RASSF5: variants seen among roughly 807,000 people sequenced by gnomAD.
RASSF5 encodes Ras association domain family member 5.
In RASSF5, 25 loss-of-function variants were observed where a neutral mutation model predicts 40.5. The ratio of observed to expected loss-of-function variants is 0.62; its 90% CI spans 0.45 to 0.86. RASSF5 has a LOEUF of 0.86. Among genes scored for constraint, RASSF5 ranks in the 40% least tolerant of loss-of-function variants. The pLI, the probability that RASSF5 is intolerant of heterozygous loss-of-function variation, is 0.00. For missense variants in RASSF5, 521 were observed against 572.8 expected (o/e 0.91, Z 0.92); for synonymous variants, 246 against 252.4 (o/e 0.97, Z 0.24).
At chr1:206,543,235 A>AAAAAAAAAAAAAT (rs1553399645) in intron 2 of RASSF5, 5 of 151,824 alleles carry the variant, frequency 3.3e-5, no homozygotes, top group Non-Finnish European at 5.9e-5. Context: ...AAAAAAAAAA[A>AAAAAAAAAAAAAT]AATCCACGCA....
chr1:206,526,303 G>A (rs80321231), intron 1 of RASSF5, among the ~76,000 whole-genome samples: 2,316 of 40,488 alleles, frequency 0.057, 31 homozygotes, highest in African/African-American at 0.19. Flanking sequence ...TTGGAGTTGG[G>A]GCTGGGGTTG....
rs1667381239 is a variant in RASSF5 at position 206,535,904 on chromosome 1, G to C, written c.458-2268G>C. Reference sequence around the variant, plus strand: ...AGTTATGGCAGCTGTCATCACCGTGGAGCTGGGCGAGCTTTCAGTCCTTCC... The same window carrying C: ...AGTTATGGCAGCTGTCATCACCGTGCAGCTGGGCGAGCTTTCAGTCCTTCC... On this transcript the variant is annotated intron_variant, in intron 1 of 5. Coordinates refer to ENST00000579436, the MANE Select transcript of RASSF5 (RefSeq NM_182663.4). The surrounding 1 kb of genome is among the most constrained non-coding windows in gnomAD (Gnocchi z 5.0). Among the ~76,000 whole-genome samples the C allele has an allele frequency of 6.6e-6, 1 of 152,048 alleles. No individual in the cohort carries two copies. The highest frequency in any genetic ancestry group is 1.5e-5 in the Non-Finnish European group (1 of 67,984).
rs1475432255 is a variant in RASSF5, at chr1:206,552,623, G to T, written c.579+14330G>T. Among the ~76,000 whole-genome samples the T allele has an allele frequency of 6.6e-6, 1 of 152,158 alleles. No homozygotes were observed. Among genetic ancestry groups the T allele is most frequent in the African/African-American group, 2.4e-5 (1 of 41,416 alleles). On this transcript the variant is annotated intron_variant, in intron 2 of 5. Coordinates refer to ENST00000579436, the MANE Select transcript of RASSF5 (RefSeq NM_182663.4). The surrounding 1 kb of genome is among the most constrained non-coding windows in gnomAD (Gnocchi z 4.1). ...TAGGTGGCGGGAGTCGGTGGAGAAA[G>T]GACAATTGTAATGGAAAGTTACAGG...
chr1:206,551,165 G>A (rs568703720), intron 2 of RASSF5, among the ~76,000 whole-genome samples: 5 of 152,284 alleles, frequency 3.3e-5, no homozygotes, highest in South Asian at 4.2e-4. Context: ...ATGTGAGGGT[G>A]GGGAGCAGAA....
At chr1:206,549,563 T>C (rs576555019) in intron 2 of RASSF5, among the ~76,000 whole-genome samples, 114 of 152,292 alleles carry the variant, frequency 7.5e-4, no homozygotes, top group African/African-American at 2.6e-3. Context: ...CCTCCCACTT[T>C]AGGCTCCCAA....
chr1:206,557,817 G>C, intron 2 of RASSF5: 2 of 1,070,868 alleles, frequency 1.9e-6, no homozygotes. Flanking sequence ...TGGCCAGGCA[G>C]TTGCCCTGAG....
At chr1:206,518,561 C>A (rs984990653) in intron 1 of RASSF5, 1 of 398,512 alleles carries the variant, frequency 2.5e-6, no homozygotes, top group Admixed American at 4.4e-5. Flanking sequence ...CTAAGCCAAT[C>A]TGACTGGGGG....
intron 1 of RASSF5, among the ~76,000 whole-genome samples, chr1:206,530,840 G>A (rs1270511184): frequency 6.6e-6 from 1 of 152,166 alleles, no homozygotes; most frequent in Admixed American, 6.5e-5. Context: ...GTCTGAGGAT[G>A]ATCAAGACCT....
At chr1:206,551,178 CA>C (rs1226434198) in intron 2 of RASSF5, among the ~76,000 whole-genome samples, 37 of 152,182 alleles carry the variant, frequency 2.4e-4, no homozygotes, top group African/African-American at 8.9e-4. Flanking sequence ...GAGCAGAATA[CA>C]TTAGACCCCA....
At chr1:206,518,258 C>T in intron 1 of RASSF5, 1 of 395,710 alleles carries the variant, frequency 2.5e-6, no homozygotes, top group Non-Finnish European at 4.4e-6. Flanking sequence ...GTTGAGGGTA[C>T]CAGAGCCTGA....
rs527999459 is a variant in RASSF5 at position 206,538,162 on chromosome 1, T to C, written c.458-10T>C. On this transcript the variant is annotated splice_polypyrimidine_tract_variant and intron_variant, in intron 1 of 5. Transcript: ENST00000579436. The stretch of plus-strand genomic sequence containing the variant: ...TGTCCTCTAATCTCCCTTTTGTTCT[T>C]TACCTCCAGACTGTAAATTCACCTG... The C allele has an allele frequency of 6.2e-7, 1 of 1,614,142 alleles. No homozygotes were observed. Among genetic ancestry groups the C allele is most frequent in the Non-Finnish European group, 8.5e-7 (1 of 1,180,018 alleles).
At position 206,520,337 on chromosome 1, in the gene RASSF5, T is replaced by C. The variant is rs143143414; in HGVS notation, c.457+12278T>C. Among the ~76,000 whole-genome samples the C allele has an allele frequency of 5.6e-3, 852 of 152,272 alleles. 6 individuals carry two copies. The highest frequency in any genetic ancestry group is 0.019 in the African/African-American group (798 of 41,544). ...AAATGGGTTTGGTGGCCGGGCGCGG[T>C]GGCTCACGCCTGTAATCCCAGCACT... On this transcript the variant is annotated intron_variant, in intron 1 of 5. Transcript: ENST00000579436.
intron 2 of RASSF5, among the ~76,000 whole-genome samples, chr1:206,553,816 G>A (rs1326627953): frequency 6.6e-6 from 1 of 152,212 alleles, no homozygotes; most frequent in Non-Finnish European, 1.5e-5. Flanking sequence ...TCAGGCATGT[G>A]GTTATTATGA....
Position 206,507,633 on chromosome 1 carries a change from C to A in RASSF5, c.31C>A (p.Arg11Ser), listed in dbSNP as rs868946180. 4.6e-6 allele frequency: 7 copies of A among 1,528,324 alleles called. No homozygotes were observed. Among genetic ancestry groups the A allele is most frequent in the East Asian group, 2.8e-5 (1 of 36,190 alleles). The allele number at this position is 1,528,324 out of a possible 1,614,324, so 94.7% of individuals were successfully genotyped here. A position where few individuals can be genotyped will look rare whatever the true frequency, so the allele number is the denominator to read the frequency against. ...CATGGCGTCCCCGGCCATCGGGCAG[C>A]GCCCGTACCCGCTACTATTGGACCC... is the stretch of plus-strand genomic sequence containing the variant. MAMASPAIGQ[R>S]PYPLLLDPEP... The change falls in exon 1 of 6, where the codon CGC (arginine) becomes AGC (serine). Residue 11 changes from arginine to serine, a missense_variant. Arg to Ser is a moderately radical substitution (Grantham distance 110). Coordinates refer to ENST00000579436, the MANE Select transcript of RASSF5 (RefSeq NM_182663.4).
chr1:206,586,846 T>C lies in RASSF5; in HGVS notation c.1125T>C (p.Pro375=), dbSNP rs1669138047. 17 of 1,613,962 alleles carry C rather than the reference T, an allele frequency of 1.1e-5. No individual in the cohort carries two copies. The highest frequency in any genetic ancestry group is 1.4e-5 in the Non-Finnish European group (17 of 1,179,934). ...CACAGTGGGATGCCTTCTCCATCCC[T>C]GAACTTCAGAACTTCCTAACAATCC... ...GEVEWDAFSI[P]ELQNFLTILE... is the part of the protein sequence containing the mutation. Residue 375 remains proline (P), a synonymous_variant, in exon 6 of 6, where the codon CCT becomes CCC. Coordinates refer to ENST00000579436, the MANE Select transcript of RASSF5 (RefSeq NM_182663.4).
intron 2 of RASSF5, among the ~76,000 whole-genome samples, chr1:206,547,719 C>T (rs1553400451): frequency 6.6e-6 from 1 of 152,148 alleles, no homozygotes; most frequent in Non-Finnish European, 1.5e-5. Context: ...AAAACCAGTC[C>T]CTGGTGCCAA....
chr1:206,546,100 T>C (rs1667683086), intron 2 of RASSF5, among the ~76,000 whole-genome samples: 1 of 16,676 alleles, frequency 6.0e-5, no homozygotes, highest in African/African-American at 1.9e-4. Context: ...TTTTTTTTTT[T>C]TTTTTTTTTT....
intron 1 of RASSF5, among the ~76,000 whole-genome samples, chr1:206,518,705 C>A (rs1360646376): frequency 1.3e-5 from 2 of 152,152 alleles, no homozygotes; most frequent in African/African-American, 4.8e-5. Context: ...GACAAAGGCA[C>A]AGGTGCTGTC....
At chr1:206,557,363 G>C (rs67223538) in intron 2 of RASSF5, 315,419 of 1,336,766 alleles carry the variant, frequency 0.24, 38,410 homozygotes, top group Middle Eastern at 0.39. Flanking sequence ...GCAGGTTACC[G>C]GGCCGCCCGA....
Sources: gnomAD v4.1 joint callset for allele counts (sites outside exome capture counted in the v4.1 genomes callset) on GRCh38, gnomAD v4.1.1 for gene constraint, Gnocchi (gnomAD v3.1) non-coding constraint, MANE v1.5 for transcripts, NCBI Gene and HGNC (gene_info 2026-07-23, HGNC 2026-07-21) for gene names.